Variants in ASTN1 observed in about 807,000 individuals in gnomAD.
ASTN1 encodes the protein astrotactin 1.
Under a neutral mutation model 140.7 loss-of-function variants are expected in ASTN1, and 41 were observed. That is an observed-to-expected ratio of 0.29 (90% CI 0.23 to 0.38). The LOEUF is 0.38. ASTN1 is among the 10% of genes least tolerant of loss of function. The pLI, the probability that ASTN1 is intolerant of heterozygous loss-of-function variation, is 1.00. For missense variants in ASTN1, 1,479 were observed against 1,678.8 expected (o/e 0.88, Z 2.08); for synonymous variants, 640 against 652.2 (o/e 0.98, Z 0.29).
chr1:177,018,407 G>A (rs570821016), intron 7 of ASTN1, among the ~76,000 whole-genome samples: 8 of 152,238 alleles, frequency 5.3e-5, no homozygotes, highest in African/African-American at 9.6e-5. Flanking sequence ...GAGAGACAGC[G>A]GTTCAGAGCA....
chr1:177,025,396 G>C (rs1388700040), intron 5 of ASTN1, among the ~76,000 whole-genome samples: 1 of 152,140 alleles, frequency 6.6e-6, no homozygotes, highest in Admixed American at 6.5e-5. Context: ...GTGGAAATAG[G>C]GATAGGGAGG....
chr1:176,861,353 C>A lies in ASTN1; in HGVS notation c.*2931G>T. ...GCTATTACAGTGGTTCATGTACATT[C>A]AAGAGGAAACTCCAGAGGTCTTGGG... On this transcript the variant is annotated 3_prime_UTR_variant, in exon 23 of 23. Coordinates refer to ENST00000361833, the MANE Select transcript of ASTN1 (RefSeq NM_004319.3). The A allele has an allele frequency of 1.0e-6, 1 of 985,810 alleles. No homozygotes were observed. Among genetic ancestry groups the A allele is most frequent in the Non-Finnish European group, 1.2e-6 (1 of 829,914 alleles). The allele number at this position is 985,810 out of a possible 1,614,324, so 61.1% of individuals were successfully genotyped here. A position where few individuals can be genotyped will look rare whatever the true frequency, so the allele number is the denominator to read the frequency against.
chr1:177,000,330 A>C (rs1003213035), intron 8 of ASTN1, among the ~76,000 whole-genome samples: 1 of 152,202 alleles, frequency 6.6e-6, no homozygotes, highest in Non-Finnish European at 1.5e-5. Context: ...CATATTTTAC[A>C]TAGTGATTTG....
At chr1:176,894,271 T>C (rs1669395738) in intron 17 of ASTN1, among the ~76,000 whole-genome samples, 1 of 152,194 alleles carries the variant, frequency 6.6e-6, no homozygotes, top group African/African-American at 2.4e-5. Flanking sequence ...AACAATGATT[T>C]TGATGATGGC....
chr1:176,931,834 T>C (rs1404924442), intron 16 of ASTN1, among the ~76,000 whole-genome samples: 5 of 152,220 alleles, frequency 3.3e-5, no homozygotes, highest in Admixed American at 2.6e-4. Flanking sequence ...TCTTGGAATT[T>C]AAAGTTGAAT....
chr1:177,050,630 C>G (rs1188169630), intron 2 of ASTN1, among the ~76,000 whole-genome samples: 2 of 152,194 alleles, frequency 1.3e-5, no homozygotes, highest in Admixed American at 6.5e-5. Flanking sequence ...ACATCTGCCT[C>G]TCACACAGGT....
chr1:176,873,188 T>C (rs757654588), intron 21 of ASTN1, among the ~76,000 whole-genome samples: 4 of 152,182 alleles, frequency 2.6e-5, no homozygotes, highest in African/African-American at 7.2e-5. Flanking sequence ...GGATAAACAT[T>C]TATGTCTGCA....
chr1:176,864,421 A>T lies in ASTN1; in HGVS notation c.3748T>A (p.Tyr1250Asn). ...ATCTCGCTGTAGCGGCACCCCAGGT[A>T]CTTGAGTGAGCTGCGCCGCAAGCTT... ...KISLRRSSLK[Y>N]LGCRYSEIKP... is the part of the protein sequence containing the mutation. The change falls in exon 23 of 23, where the codon TAC becomes AAC. Residue 1250 changes from tyrosine (Y) to asparagine (N), a missense_variant. Tyr to Asn is a moderately radical substitution (Grantham distance 143). Transcript: ENST00000361833. 6.2e-7 allele frequency: 1 copy of T among 1,614,166 alleles called. No homozygotes were observed. The highest frequency in any genetic ancestry group is 8.5e-7 in the Non-Finnish European group (1 of 1,180,022).
chr1:176,990,715 C>G (rs1674118617), intron 8 of ASTN1, among the ~76,000 whole-genome samples: 1 of 152,108 alleles, frequency 6.6e-6, no homozygotes, highest in Admixed American at 6.5e-5. Flanking sequence ...TAGTCTCCCC[C>G]CAGATATTTC....
At chr1:176,872,851 T>C (rs1316858444) in intron 21 of ASTN1, among the ~76,000 whole-genome samples, 1 of 152,316 alleles carries the variant, frequency 6.6e-6, no homozygotes, top group East Asian at 1.9e-4. Context: ...CCACTCCAGT[T>C]AAAATTCTAC....
chr1:176,968,051 G>A (rs1333145756), intron 8 of ASTN1, among the ~76,000 whole-genome samples: 1 of 152,164 alleles, frequency 6.6e-6, no homozygotes, highest in Non-Finnish European at 1.5e-5. Flanking sequence ...GAGTTAGCCT[G>A]CCTATTTCAA....
At chr1:177,110,530 A>G (rs1680774023) in intron 1 of ASTN1, among the ~76,000 whole-genome samples, 1 of 152,200 alleles carries the variant, frequency 6.6e-6, no homozygotes, top group Admixed American at 6.5e-5. Context: ...GATTATCCCC[A>G]GAAATGGTTA....
chr1:176,946,139 C>G lies in ASTN1; in HGVS notation c.2055-19G>C, dbSNP rs745849847. 1.3e-6 allele frequency: 2 copies of G among 1,539,182 alleles called. No homozygotes were observed. Among genetic ancestry groups the G allele is most frequent in the Non-Finnish European group, 1.8e-6 (2 of 1,132,146 alleles). ...GATGCACCTAGCACAGAGGAGAGCTCAATATAAGAAGTTATTCCATCAATG... is the reference window on the plus strand; with the variant it reads ...GATGCACCTAGCACAGAGGAGAGCTGAATATAAGAAGTTATTCCATCAATG... On this transcript the variant is annotated intron_variant, in intron 12 of 22. Transcript: ENST00000361833.
At chr1:177,051,278 T>G (rs1463797539) in intron 2 of ASTN1, among the ~76,000 whole-genome samples, 1 of 152,244 alleles carries the variant, frequency 6.6e-6, no homozygotes, top group Non-Finnish European at 1.5e-5. Flanking sequence ...AGTCTTTATG[T>G]GGGTTCTGCA....
intron 2 of ASTN1, among the ~76,000 whole-genome samples, chr1:177,057,048 C>T (rs1270407523): frequency 6.6e-6 from 1 of 152,152 alleles, no homozygotes; most frequent in Admixed American, 6.5e-5. Flanking sequence ...TAAATCTCTT[C>T]AGCCAAGTTT....
rs115938312 is a variant in ASTN1, at chr1:177,050,875, G to T, written c.471+10203C>A. On this transcript the variant is annotated intron_variant, in intron 2 of 22. Coordinates refer to ENST00000361833, the MANE Select transcript of ASTN1 (RefSeq NM_004319.3). Reference sequence around the variant, plus strand: ...TATATGAAGCATTTTTCTACAAGGGGGTATTTTAGCATATCCAGGCATGTC... The same window carrying T: ...TATATGAAGCATTTTTCTACAAGGGTGTATTTTAGCATATCCAGGCATGTC... Among the ~76,000 whole-genome samples the T allele has an allele frequency of 8.5e-3, 1,293 of 151,986 alleles. 20 individuals are homozygous for T. The highest frequency in any genetic ancestry group is 0.03 in the African/African-American group (1,228 of 41,412).
At chr1:177,050,596 T>G (rs1466015248) in intron 2 of ASTN1, among the ~76,000 whole-genome samples, 1 of 152,140 alleles carries the variant, frequency 6.6e-6, no homozygotes, top group Non-Finnish European at 1.5e-5. Flanking sequence ...GAGAGACCCC[T>G]TGCAATCTTG....
chr1:177,009,352 G>T (rs1415179930), intron 8 of ASTN1, among the ~76,000 whole-genome samples: 1 of 152,194 alleles, frequency 6.6e-6, no homozygotes, highest in African/African-American at 2.4e-5. Flanking sequence ...CTAAGGAACT[G>T]TTAAGAATGA....
intron 4 of ASTN1, 21 bp downstream of exon 4, chr1:177,030,783 GCC>G (rs1230956982): frequency 6.2e-7 from 1 of 1,613,682 alleles, no homozygotes; most frequent in Non-Finnish European, 8.5e-7. Context: ...CCACCCACGA[GCC>G]CTAATGTCAG....
Sources: gnomAD v4.1 joint callset for allele counts (sites outside exome capture counted in the v4.1 genomes callset) on GRCh38, gnomAD v4.1.1 for gene constraint, MANE v1.5 for transcripts, NCBI Gene and HGNC (gene_info 2026-07-23, HGNC 2026-07-21) for gene names.